The following SHC4 variants were observed in gnomAD, a reference collection of about 807,000 sequenced individuals.
SHC4 encodes the protein SHC-transforming protein 4.
A neutral mutation model predicts 69.4 loss-of-function variants in SHC4; 41 were observed. That is an observed-to-expected ratio of 0.59 (90% CI 0.46 to 0.77). SHC4 has a LOEUF of 0.77. SHC4 is among the 30% of genes least tolerant of loss of function. The pLI is 0.00. For synonymous variants in SHC4, 318 were observed against 299.3 expected, an observed-to-expected ratio of 1.06 and a Z score of -0.64; for missense variants, 777 against 783.8, an observed-to-expected ratio of 0.99 and a Z score of 0.10.
intron 1 of SHC4, among the ~76,000 whole-genome samples, chr15:48,937,032 A>G (rs1178959722): frequency 1.3e-5 from 2 of 152,226 alleles, no homozygotes; most frequent in African/African-American, 4.8e-5. Context: ...TCCTAGGAAT[A>G]ACTTTACACC....
intron 6 of SHC4, 30 bp downstream of exon 6, chr15:48,867,788 T>G (rs370119537): frequency 6.2e-7 from 1 of 1,605,920 alleles, no homozygotes; most frequent in Non-Finnish European, 8.5e-7. Context: ...ATACCAGCTC[T>G]TTAAAAAATC....
At chr15:48,883,763 C>T (rs1421904121) in intron 4 of SHC4, among the ~76,000 whole-genome samples, 3 of 152,184 alleles carry the variant, frequency 2.0e-5, no homozygotes, top group Admixed American at 2.0e-4. Flanking sequence ...TATACAATAA[C>T]ATTTTAGAAA....
chr15:48,941,779 T>C (rs980526690), intron 1 of SHC4, among the ~76,000 whole-genome samples: 8 of 152,166 alleles, frequency 5.3e-5, no homozygotes, highest in African/African-American at 1.4e-4. Context: ...GGGGTACAAG[T>C]GCAGTTTTGT....
chr15:48,911,580 T>C (rs1038489963), intron 2 of SHC4, among the ~76,000 whole-genome samples: 3 of 152,208 alleles, frequency 2.0e-5, no homozygotes, highest in Admixed American at 6.5e-5. Flanking sequence ...AGTATTGAAA[T>C]GTGAGGTTTA....
chr15:48,962,360 C>T, intron 1 of SHC4, 71 bp downstream of exon 1: 1 of 1,446,878 alleles, frequency 6.9e-7, no homozygotes, highest in Non-Finnish European at 9.3e-7. Context: ...ACATTAGACC[C>T]CTTGCAGAAA....
chr15:48,826,186 AAAT>A, intron 11 of SHC4, 60 bp from the exon 12 acceptor site: 1 of 1,493,104 alleles, frequency 6.7e-7, no homozygotes, highest in Non-Finnish European at 9.0e-7. Context: ...TGAAAGATAT[AAAT>A]AATAAGGGGG....
chr15:48,914,843 G>A (rs757373486), intron 2 of SHC4, among the ~76,000 whole-genome samples: 16 of 152,116 alleles, frequency 1.1e-4, no homozygotes, highest in Non-Finnish European at 1.6e-4. Flanking sequence ...AACTATCACC[G>A]CCATCCATCT....
At chr15:48,878,579 T>C (rs1445195338) in intron 4 of SHC4, 9 of 1,613,922 alleles carry the variant, frequency 5.6e-6, no homozygotes, top group Non-Finnish European at 7.6e-6. Context: ...CGACAAGATG[T>C]TTCTGAGAAC....
chr15:48,879,371 A>G (rs1305797050), intron 4 of SHC4: 1 of 167,126 alleles, frequency 6.0e-6, no homozygotes, highest in African/African-American at 2.4e-5. Context: ...TATCTTGATC[A>G]TTTATAAAGC....
intron 2 of SHC4, among the ~76,000 whole-genome samples, chr15:48,894,586 C>T (rs1900190830): frequency 6.6e-6 from 1 of 152,084 alleles, no homozygotes. Flanking sequence ...AGCTTTTAAC[C>T]CCTCCATCTT....
chr15:48,961,846 C>G (rs1901550641), intron 1 of SHC4, among the ~76,000 whole-genome samples: 1 of 152,190 alleles, frequency 6.6e-6, no homozygotes, highest in Non-Finnish European at 1.5e-5. Context: ...CTACTTGCTG[C>G]AGCGTAGGCA....
chr15:48,886,232 G>A (rs995813255), intron 3 of SHC4, among the ~76,000 whole-genome samples: 2 of 152,048 alleles, frequency 1.3e-5, no homozygotes, highest in Non-Finnish European at 2.9e-5. Flanking sequence ...ACTCCAGCCT[G>A]GGCGACAGAG....
chr15:48,884,142 A>T, intron 4 of SHC4, 106 bp downstream of exon 4: 1 of 1,261,986 alleles, frequency 7.9e-7, no homozygotes, highest in Non-Finnish European at 1.0e-6. Context: ...CTTGTGCTGT[A>T]TTAGGTTGTA....
chr15:48,960,449 A>G (rs1901526920), intron 1 of SHC4, among the ~76,000 whole-genome samples: 1 of 152,208 alleles, frequency 6.6e-6, no homozygotes, highest in Admixed American at 6.5e-5. Context: ...AACTTTGAGT[A>G]GAAACATGAA....
chr15:48,905,954 A>G (rs1756797980), intron 2 of SHC4, among the ~76,000 whole-genome samples: 1 of 152,198 alleles, frequency 6.6e-6, no homozygotes, highest in Admixed American at 6.5e-5. Context: ...ACCACTTCAT[A>G]ATGTAGATCA....
chr15:48,878,973 T>C, intron 4 of SHC4: 1 of 442,924 alleles, frequency 2.3e-6, no homozygotes, highest in Non-Finnish European at 4.2e-6. Flanking sequence ...ATCAAGAACG[T>C]CCTAAAACAC....
chr15:48,855,442 T>C (rs1364804807), intron 8 of SHC4, among the ~76,000 whole-genome samples: 2 of 151,942 alleles, frequency 1.3e-5, no homozygotes, highest in Non-Finnish European at 1.5e-5. Flanking sequence ...TTCTAGAAGT[T>C]TGTGGGTGAA....
intron 1 of SHC4, among the ~76,000 whole-genome samples, chr15:48,930,551 C>T (rs930366625): frequency 6.6e-6 from 1 of 152,178 alleles, no homozygotes; most frequent in African/African-American, 2.4e-5. Flanking sequence ...GCAGGAGGAT[C>T]ACTTGAGCCC....
At chr15:48,916,586 G>T (rs1900626718) in intron 2 of SHC4, among the ~76,000 whole-genome samples, 1 of 151,716 alleles carries the variant, frequency 6.6e-6, no homozygotes, top group Non-Finnish European at 1.5e-5. Context: ...ACTACTCAGG[G>T]TTTCTTCCTA....
Sources: gnomAD v4.1 joint callset for allele counts (sites outside exome capture counted in the v4.1 genomes callset) on GRCh38, gnomAD v4.1.1 for gene constraint, MANE v1.5 for transcripts, NCBI Gene and HGNC (gene_info 2026-07-23, HGNC 2026-07-21) for gene names.